CGNL1: variants seen among roughly 807,000 people sequenced by gnomAD.
CGNL1 encodes cingulin like 1, also known as cingulin-like protein 1.
In CGNL1, 132 loss-of-function variants were observed where a neutral mutation model predicts 141.2. The observed-to-expected ratio is 0.93, with a 90% CI of 0.81 to 1.08. The LOEUF (loss-of-function observed/expected upper bound fraction) is 1.08, where lower values mean the gene tolerates loss of function less well. Among genes scored for constraint, CGNL1 ranks in the 50% least tolerant of loss-of-function variants. The probability of loss-of-function intolerance (pLI) is 0.00; values close to 1 mark genes in which losing one functional copy is unlikely to be tolerated. For synonymous variants in CGNL1, 690 were observed against 622.1 expected, an observed-to-expected ratio of 1.11 and a Z score of -1.63; for missense variants, 1,870 against 1,588.6, an observed-to-expected ratio of 1.18 and a Z score of -3.01.
chr15:57,529,414 A>T (rs1299772391), intron 13 of CGNL1, among the ~76,000 whole-genome samples: 1 of 152,222 alleles, frequency 6.6e-6, no homozygotes, highest in Non-Finnish European at 1.5e-5. Flanking sequence ...TCACAAGCTG[A>T]AAACACCACA....
chr15:57,424,942 G>T (rs551061253), intron 1 of CGNL1, among the ~76,000 whole-genome samples: 57 of 152,248 alleles, frequency 3.7e-4, no homozygotes, highest in Admixed American at 7.2e-4. Context: ...CTTTGTAATT[G>T]CATTTGTATT....
chr15:57,470,997 C>A (rs763972959), intron 8 of CGNL1, among the ~76,000 whole-genome samples: 1 of 152,146 alleles, frequency 6.6e-6, no homozygotes, highest in Non-Finnish European at 1.5e-5. Flanking sequence ...TGGTGTACCT[C>A]GAACTTGCTG....
intron 1 of CGNL1, among the ~76,000 whole-genome samples, chr15:57,403,695 G>A (rs1424539402): frequency 6.6e-6 from 1 of 152,224 alleles, no homozygotes; most frequent in Admixed American, 6.5e-5. Flanking sequence ...GCAACATCTG[G>A]CTGGCTAGAG....
rs1411233616 is a variant in CGNL1 at position 57,549,795 on chromosome 15, A to C, written c.*2305A>C. On this transcript the variant is annotated 3_prime_UTR_variant, in exon 19 of 19. Transcript: ENST00000281282. ...ACTCAGCCCTCTGTCTGTCCTTCTG[A>C]GGACGCAACAAGCCTGGTTCCCTAG... is the stretch of plus-strand genomic sequence containing the variant. 7.2e-5 allele frequency: 11 copies of C among 152,138 alleles called. No homozygotes were observed. The highest frequency in any genetic ancestry group is 2.7e-4 in the African/African-American group (11 of 41,408). The allele number at this position is 152,138 out of a possible 1,614,324, so 9.4% of individuals were successfully genotyped here.
chr15:57,472,645 T>C (rs1270377353), intron 8 of CGNL1, among the ~76,000 whole-genome samples: 5 of 152,176 alleles, frequency 3.3e-5, no homozygotes, highest in African/African-American at 1.2e-4. Context: ...TACCTGTCCC[T>C]GTCTCTCCTG....
Position 57,547,552 on chromosome 15 carries a change from G to T in CGNL1, c.*62G>T. ...GCAGGAGCTGCAGCCACCCAAAGTG[G>T]GAGGCAGGGAGGGGAGCATCTGTCT... On this transcript the variant is annotated 3_prime_UTR_variant, in exon 19 of 19. Coordinates refer to ENST00000281282, the MANE Select transcript of CGNL1 (RefSeq NM_032866.5). 2 of 1,571,590 alleles carry T rather than the reference G, an allele frequency of 1.3e-6. No homozygotes were observed. The highest frequency in any genetic ancestry group is 1.7e-6 in the Non-Finnish European group (2 of 1,155,600).
chr15:57,470,745 G>A (rs1040754070), intron 8 of CGNL1, among the ~76,000 whole-genome samples: 3 of 152,200 alleles, frequency 2.0e-5, no homozygotes, highest in African/African-American at 7.2e-5. Context: ...AGGATCTTAT[G>A]TGGTCTTGTG....
chr15:57,459,393 G>A (rs2063418609), intron 7 of CGNL1, among the ~76,000 whole-genome samples: 1 of 152,182 alleles, frequency 6.6e-6, no homozygotes, highest in African/African-American at 2.4e-5. Context: ...TATATAGAAT[G>A]TAAAATAAAA....
Position 57,547,929 on chromosome 15 carries a change from T to C in CGNL1, c.*439T>C, listed in dbSNP as rs1666573. ...ACCAGACCTTCTCACGAACTGCTGC[T>C]GTTGGGTTTGGAATGTGATGGAGGC... is the stretch of plus-strand genomic sequence containing the variant. On this transcript the variant is annotated 3_prime_UTR_variant, in exon 19 of 19. Coordinates refer to ENST00000281282, the MANE Select transcript of CGNL1 (RefSeq NM_032866.5). 32,711 of 155,208 alleles carry C rather than the reference T, an allele frequency of 0.21. 3,649 individuals carry two copies. The highest frequency in any genetic ancestry group is 0.27 in the African/African-American group (11,178 of 41,462). The allele number at this position is 155,208 out of a possible 1,614,324, so 9.6% of individuals were successfully genotyped here.
chr15:57,450,236 A>G (rs150982121), intron 4 of CGNL1, among the ~76,000 whole-genome samples: 20 of 152,086 alleles, frequency 1.3e-4, no homozygotes, highest in African/African-American at 4.8e-4. Flanking sequence ...AGTGTTTTGA[A>G]TTTTGGCCAT....
At chr15:57,486,610 A>T (rs2063788879) in intron 8 of CGNL1, among the ~76,000 whole-genome samples, 1 of 152,174 alleles carries the variant, frequency 6.6e-6, no homozygotes, top group South Asian at 2.1e-4. Flanking sequence ...CAGCTTGTCA[A>T]GGGTGACCTT....
intron 1 of CGNL1, among the ~76,000 whole-genome samples, chr15:57,425,363 C>G (rs2152288039): frequency 6.6e-6 from 1 of 151,710 alleles, no homozygotes; most frequent in South Asian, 2.1e-4. Context: ...TACCCTGTCT[C>G]AAAAATAAAA....
In CGNL1 at chr15:57,544,593, G is replaced by A. The variant is rs772155859; in HGVS notation, c.3496G>A (p.Glu1166Lys). Residue 1166 changes from glutamate to lysine, a missense_variant, in exon 16 of 19, where the codon GAG becomes AAG. Physicochemically the swap from Glu to Lys is moderately conservative, Grantham distance 56. Transcript: ENST00000281282. ...AELEDRLESE[E>K]RDRANLQLSN... ...GCTGGAGGACCGCCTGGAGAGTGAG[G>A]AGAGGTGAGCCGGGCCCACCCACTG... is the stretch of plus-strand genomic sequence containing the variant. 1.7e-4 allele frequency: 268 copies of A among 1,578,362 alleles called. No homozygotes were observed. Among genetic ancestry groups the A allele is most frequent in the Non-Finnish European group, 2.2e-4 (250 of 1,161,714 alleles).
chr15:57,486,754 G>T (rs1191968821), intron 8 of CGNL1, among the ~76,000 whole-genome samples: 1 of 152,174 alleles, frequency 6.6e-6, no homozygotes, highest in Non-Finnish European at 1.5e-5. Context: ...TGAGTTTGAG[G>T]CATCTGTGGG....
intron 8 of CGNL1, among the ~76,000 whole-genome samples, chr15:57,496,506 C>T (rs1219802844): frequency 6.6e-6 from 1 of 152,126 alleles, no homozygotes. Flanking sequence ...CTGAAACCAT[C>T]CCTCCCCTCA....
chr15:57,490,768 TG>T (rs778433535), intron 8 of CGNL1, among the ~76,000 whole-genome samples: 2 of 152,096 alleles, frequency 1.3e-5, no homozygotes, highest in Non-Finnish European at 2.9e-5. Context: ...TCTGGTGGAC[TG>T]GGGAGTCAGT....
Position 57,422,805 on chromosome 15 carries a change from G to A in CGNL1, c.-15-15180G>A, listed in dbSNP as rs114115624. On this transcript the variant is annotated intron_variant, in intron 1 of 18. Coordinates refer to ENST00000281282, the MANE Select transcript of CGNL1 (RefSeq NM_032866.5). ...CTGGAATTGCTATTGTTGCATTACT[G>A]GTGTAAGAAAAGTGGTGATGGACAT... Among the ~76,000 whole-genome samples, 948 of 152,272 alleles carry A rather than the reference G, an allele frequency of 6.2e-3. 13 individuals are homozygous for A. The highest frequency in any genetic ancestry group is 0.022 in the African/African-American group (903 of 41,536).
intron 7 of CGNL1, among the ~76,000 whole-genome samples, chr15:57,455,101 A>G (rs1214843108): frequency 3.9e-5 from 6 of 152,184 alleles, no homozygotes; most frequent in South Asian, 4.1e-4. Flanking sequence ...CTTTCTTATT[A>G]TACTTTATGC....
At chr15:57,509,330 CA>C (rs2030012231) in intron 8 of CGNL1, among the ~76,000 whole-genome samples, 1 of 152,148 alleles carries the variant, frequency 6.6e-6, no homozygotes, top group East Asian at 1.9e-4. Flanking sequence ...TTCACTCATT[CA>C]GCAAAAAAGA....
Sources: gnomAD v4.1 joint callset for allele counts (sites outside exome capture counted in the v4.1 genomes callset) on GRCh38, gnomAD v4.1.1 for gene constraint, MANE v1.5 for transcripts, NCBI Gene and HGNC (gene_info 2026-07-23, HGNC 2026-07-21) for gene names.